DPP6: variants seen among roughly 807,000 people sequenced by gnomAD.
DPP6 encodes A-type potassium channel modulatory protein DPP6.
A neutral mutation model predicts 122.6 loss-of-function variants in DPP6; 69 were observed. That is an observed-to-expected ratio of 0.56 (90% confidence interval 0.46 to 0.69). The LOEUF is 0.69. DPP6 is among the 30% of genes least tolerant of loss of function. The probability of loss-of-function intolerance (pLI) is 0.00; values close to 1 mark genes in which losing one functional copy is unlikely to be tolerated. For synonymous variants in DPP6, 418 were observed against 433.1 expected, an observed-to-expected ratio of 0.97 and a Z score of 0.43; for missense variants, 928 against 1,116.9, an observed-to-expected ratio of 0.83 and a Z score of 2.41.
At chr7:153,858,323 G>C in the DPP6 span, among the ~76,000 whole-genome samples, 1 of 152,184 alleles carries the variant, frequency 6.6e-6, no homozygotes, top group African/African-American at 2.4e-5. Flanking sequence ...CAATCACCCA[G>C]GGGATTGGTT....
intron 5 of DPP6, among the ~76,000 whole-genome samples, chr7:154,571,275 A>G (rs528364979): frequency 1.1e-4 from 16 of 152,312 alleles, no homozygotes; most frequent in Non-Finnish European, 2.1e-4. Context: ...AATATGAAAC[A>G]TTTCCAAATC....
chr7:154,668,391 T>G (rs1383626252), intron 6 of DPP6, among the ~76,000 whole-genome samples: 1 of 150,932 alleles, frequency 6.6e-6, no homozygotes, highest in Non-Finnish European at 1.5e-5. Context: ...CGACTAATTT[T>G]TTATATTTTT....
intron 1 of DPP6, among the ~76,000 whole-genome samples, chr7:154,401,071 C>T (rs2151185408): frequency 6.6e-6 from 1 of 152,134 alleles, no homozygotes; most frequent in African/African-American, 2.4e-5. Context: ...GTGGCATGCA[C>T]CTGTAATCCC....
intron 1 of DPP6, among the ~76,000 whole-genome samples, chr7:154,355,066 G>A (rs1375397896): frequency 1.3e-5 from 2 of 152,214 alleles, no homozygotes; most frequent in African/African-American, 4.8e-5. Flanking sequence ...CATTCTGGTA[G>A]GATCCCATTG....
chr7:154,851,389 T>C (rs1271645897), intron 16 of DPP6, among the ~76,000 whole-genome samples: 2 of 152,264 alleles, frequency 1.3e-5, no homozygotes, highest in Non-Finnish European at 2.9e-5. Flanking sequence ...GTTTACATTA[T>C]TAATAAGAAC....
chr7:153,848,292 C>T, the DPP6 span, among the ~76,000 whole-genome samples: 4 of 151,252 alleles, frequency 2.6e-5, no homozygotes, highest in African/African-American at 9.7e-5. Context: ...CCCCGCTCCC[C>T]GAGAGAGCAG....
intron 8 of DPP6, among the ~76,000 whole-genome samples, chr7:154,750,359 C>T (rs1039381426): frequency 6.6e-6 from 1 of 152,220 alleles, no homozygotes; most frequent in African/African-American, 2.4e-5. Context: ...GCGTGTGCAC[C>T]GTGAGGGCCG....
chr7:154,875,806 C>T lies in DPP6; in HGVS notation c.1884-100C>T, dbSNP rs553694373. ...AGTTGAGCGTGTGGCAGCCGGGTCACGGGTAAAATCCCTTACGGGGGTCAT... is the reference window on the plus strand; with the variant it reads ...AGTTGAGCGTGTGGCAGCCGGGTCATGGGTAAAATCCCTTACGGGGGTCAT... On this transcript the variant is annotated intron_variant, in intron 19 of 25. Transcript: ENST00000377770. This position sits in a 1 kb window ranked among gnomAD's most constrained non-coding sequence, Gnocchi z 4.5. The T allele has an allele frequency of 1.7e-4, 253 of 1,475,290 alleles. 1 individual carries two copies. The East Asian group carries it at 2.4e-3, about 14-fold the overall frequency. The allele number at this position is 1,475,290 out of a possible 1,614,324, so 91.4% of individuals were successfully genotyped here. A position where few individuals can be genotyped will look rare whatever the true frequency, so the allele number is the denominator to read the frequency against.
chr7:153,969,718 C>T (rs1387889291), intron 1 of DPP6, among the ~76,000 whole-genome samples: 1 of 149,320 alleles, frequency 6.7e-6, no homozygotes, highest in Non-Finnish European at 1.5e-5. Flanking sequence ...TTCACATTCT[C>T]TAATTTAAGA....
At chr7:154,515,235 T>G (rs562798501) in intron 3 of DPP6, among the ~76,000 whole-genome samples, 1 of 152,252 alleles carries the variant, frequency 6.6e-6, no homozygotes, top group South Asian at 2.1e-4. Flanking sequence ...AAATTTGCAT[T>G]TGGGGACTCT....
chr7:154,108,346 A>T (rs545344067), intron 1 of DPP6, among the ~76,000 whole-genome samples: 3 of 152,158 alleles, frequency 2.0e-5, no homozygotes, highest in Non-Finnish European at 4.4e-5. Flanking sequence ...TAGTAAACCA[A>T]TTGATGTAGG....
chr7:153,817,489 G>C, the DPP6 span, among the ~76,000 whole-genome samples: 1 of 150,136 alleles, frequency 6.7e-6, no homozygotes, highest in African/African-American at 2.5e-5. Flanking sequence ...TCACACACAT[G>C]ACACAAACAT....
chr7:154,075,098 A>G (rs557340486), intron 1 of DPP6, among the ~76,000 whole-genome samples: 1 of 152,320 alleles, frequency 6.6e-6, no homozygotes, highest in South Asian at 2.1e-4. Flanking sequence ...TTAAAACCAC[A>G]ATGCAATACC....
chr7:154,688,955 C>G (rs192562363), intron 7 of DPP6, among the ~76,000 whole-genome samples: 64 of 152,296 alleles, frequency 4.2e-4, no homozygotes, highest in African/African-American at 1.5e-3. Context: ...CATCCAGCAG[C>G]CTTGCTAAAC....
chr7:154,793,904 C>G (rs999390087), intron 10 of DPP6, 175 bp from the exon 11 acceptor site: 7 of 1,034,706 alleles, frequency 6.8e-6, no homozygotes, highest in Non-Finnish European at 8.1e-6. Context: ...CTCAGAGTCC[C>G]GCGCCAGTGC....
intron 1 of DPP6, among the ~76,000 whole-genome samples, chr7:154,082,074 T>G (rs368821513): frequency 2.4e-3 from 367 of 152,280 alleles, no homozygotes; most frequent in Non-Finnish European, 4.1e-3. Flanking sequence ...AACCTTACTC[T>G]GCATGTGAAC....
At chr7:154,178,630 C>T (rs1468535439) in intron 1 of DPP6, among the ~76,000 whole-genome samples, 1 of 152,102 alleles carries the variant, frequency 6.6e-6, no homozygotes, top group Non-Finnish European at 1.5e-5. Context: ...AGACATCTGT[C>T]TGTTGGAAGG....
At chr7:154,075,102 C>T (rs1414578968) in intron 1 of DPP6, among the ~76,000 whole-genome samples, 1 of 152,060 alleles carries the variant, frequency 6.6e-6, no homozygotes, top group African/African-American at 2.4e-5. Context: ...AACCACAATG[C>T]AATACCACCT....
chr7:154,715,499 G>C (rs1252664332), intron 7 of DPP6, among the ~76,000 whole-genome samples: 1 of 152,198 alleles, frequency 6.6e-6, no homozygotes, highest in Admixed American at 6.5e-5. Flanking sequence ...TGGAACACTT[G>C]CTAATATGAT....
Sources: allele counts gnomAD v4.1 joint callset (sites outside exome capture counted in the v4.1 genomes callset), GRCh38; gene constraint gnomAD v4.1.1; non-coding constraint Gnocchi (gnomAD v3.1); transcripts MANE v1.5; gene names NCBI Gene and HGNC (gene_info 2026-07-23, HGNC 2026-07-21).